Variants in ZNF444 observed in about 807,000 individuals in gnomAD.
ZNF444 encodes the protein zinc finger protein 444.
Under a neutral mutation model 14.4 loss-of-function variants are expected in ZNF444, and 8 were observed. That is an observed-to-expected ratio of 0.56 (90% confidence interval 0.33 to 1.00). ZNF444 has a LOEUF of 1.00. ZNF444 is among the 50% of genes least tolerant of loss of function. The pLI, the probability that ZNF444 is intolerant of heterozygous loss-of-function variation, is 0.03. For synonymous variants in ZNF444, 258 were observed against 235.9 expected, an observed-to-expected ratio of 1.09 and a Z score of -0.86; for missense variants, 510 against 504.8, an observed-to-expected ratio of 1.01 and a Z score of -0.10.
chr19:56,153,708 A>G (rs1429105068), intron 3 of ZNF444, among the ~76,000 whole-genome samples: 1 of 152,162 alleles, frequency 6.6e-6, no homozygotes, highest in Non-Finnish European at 1.5e-5. Flanking sequence ...GGAAGTGCAG[A>G]GAAAAGCCAG....
At chr19:56,142,061 C>T (rs1048156913) in intron 1 of ZNF444, among the ~76,000 whole-genome samples, 5 of 152,176 alleles carry the variant, frequency 3.3e-5, no homozygotes, top group African/African-American at 1.2e-4. Flanking sequence ...CCCCCGCCAC[C>T]TCTACCCCAG....
intron 1 of ZNF444, among the ~76,000 whole-genome samples, chr19:56,135,472 A>C (rs1336886616): frequency 6.6e-6 from 1 of 152,012 alleles, no homozygotes; most frequent in African/African-American, 2.4e-5. Context: ...TTCAGCTGCC[A>C]AACCATGCCA....
intron 3 of ZNF444, among the ~76,000 whole-genome samples, chr19:56,148,122 C>T (rs149921692): frequency 6.6e-6 from 1 of 152,366 alleles, no homozygotes; most frequent in African/African-American, 2.4e-5. Context: ...AAATTTACTT[C>T]ATGGACCCCA....
At chr19:56,140,446 G>A (rs1360846045), upstream of ZNF444, among the ~76,000 whole-genome samples, 1 of 152,116 alleles carries the variant, frequency 6.6e-6, no homozygotes, top group Non-Finnish European at 1.5e-5. Flanking sequence ...TGTCCAATAG[G>A]GGCACAGCGA....
At position 56,136,155 on chromosome 19, in the gene ZNF444, G is replaced by T. The variant is rs868850383; in HGVS notation, c.-197+3377G>T. Among the ~76,000 whole-genome samples, 10 of 142,374 alleles carry T rather than the reference G, an allele frequency of 7.0e-5. 1 individual carries two copies. In the Middle Eastern group the frequency reaches 0.015, roughly 208 times the overall value. 93.4% of individuals were successfully genotyped at this position (142,374 alleles called of 152,430 possible). ...GGGCCCTTGGGCCCTTATTAACCAC[G>T]CTCACCCCCAATCCCAACTCTCTGA... On this transcript the variant is annotated intron_variant, in intron 1 of 2. Transcript: ENST00000587467.
At chr19:56,133,446 C>T (rs1599978224) in intron 1 of ZNF444, among the ~76,000 whole-genome samples, 1 of 152,090 alleles carries the variant, frequency 6.6e-6, no homozygotes, top group African/African-American at 2.4e-5. Context: ...GCCTTAAAAC[C>T]CGGGTCTCTT....
In ZNF444 at chr19:56,160,822, C is replaced by G. The variant is rs1004317474; in HGVS notation, c.*621C>G. On this transcript the variant is annotated 3_prime_UTR_variant, in exon 5 of 5. Transcript: ENST00000337080. ...ATGGGATGGACAGAGATGCCTGCCC[C>G]CGTGAAGCTGGTTGGGGAGGGCAGT... 1 of 152,990 alleles carries G rather than the reference C, an allele frequency of 6.5e-6. No individual in the cohort carries two copies. The highest frequency in any genetic ancestry group is 2.1e-4 in the South Asian group (1 of 4,828). The allele number at this position is 152,990 out of a possible 1,614,324, so 9.5% of individuals were successfully genotyped here. A position where few individuals can be genotyped will look rare whatever the true frequency, so the allele number is the denominator to read the frequency against.
At chr19:56,149,472 C>T (rs1375922038) in intron 3 of ZNF444, among the ~76,000 whole-genome samples, 1 of 152,062 alleles carries the variant, frequency 6.6e-6, no homozygotes, top group African/African-American at 2.4e-5. Context: ...GTCCTGTGGT[C>T]ACTTATTTAT....
At chr19:56,150,421 G>A (rs1481040907) in intron 3 of ZNF444, 3 of 347,508 alleles carry the variant, frequency 8.6e-6, no homozygotes, top group East Asian at 1.5e-4. Context: ...GCTCCGAGGC[G>A]AACCTCTCAC....
In ZNF444 at chr19:56,159,614, CT is replaced by C; in HGVS notation, c.407-6del. On this transcript the variant is annotated splice_polypyrimidine_tract_variant and intron_variant, in intron 4 of 4. Coordinates refer to ENST00000337080, the MANE Select transcript of ZNF444 (RefSeq NM_018337.4). Reference sequence around the variant, plus strand: ...GCCGACCCAGATGCTGACTCTCTTTCTTTTCCCAGCAGGCACCGCCCCTGGG... The same window carrying C: ...GCCGACCCAGATGCTGACTCTCTTTCTTTCCCAGCAGGCACCGCCCCTGGG... 1 of 1,428,742 alleles carries C rather than the reference CT, an allele frequency of 7.0e-7. No homozygotes were observed. The allele number at this position is 1,428,742 out of a possible 1,614,324, so 88.5% of individuals were successfully genotyped here. A position where few individuals can be genotyped will look rare whatever the true frequency, so the allele number is the denominator to read the frequency against.
chr19:56,160,540 T>G lies in ZNF444; in HGVS notation c.*339T>G. ...TCCCTCTCCCTCCTCCATTCCTCTC[T>G]CCCTGCCCTTTTCCTGCCTGAAGAG... On this transcript the variant is annotated 3_prime_UTR_variant, in exon 5 of 5. Transcript: ENST00000337080. 1.9e-5 allele frequency: 5 copies of G among 266,472 alleles called. No individual in the cohort carries two copies. The highest frequency in any genetic ancestry group is 1.6e-4 in the East Asian group (2 of 12,630). 16.5% of individuals were successfully genotyped at this position (266,472 alleles called of 1,614,324 possible). A position where few individuals can be genotyped will look rare whatever the true frequency, so the allele number is the denominator to read the frequency against.
chr19:56,159,643 T>C lies in ZNF444; in HGVS notation c.426T>C (p.Ala142=), dbSNP rs1475512082. The change falls in exon 5 of 5, where the codon GCT becomes GCC. Residue 142 remains alanine (A), a synonymous_variant. Transcript: ENST00000337080. ...TCCCAGCAGGCACCGCCCCTGGGGC[T>C]GAGGGGCCGGCGCCTGGGGACTCCC... ...MIPLAGTAPG[A]EGPAPGDSQA... The C allele has an allele frequency of 6.9e-7, 1 of 1,453,186 alleles. No individual in the cohort carries two copies. Among genetic ancestry groups the C allele is most frequent in the Admixed American group, 2.7e-5 (1 of 36,840 alleles). 90.0% of individuals were successfully genotyped at this position (1,453,186 alleles called of 1,614,324 possible). A position where few individuals can be genotyped will look rare whatever the true frequency, so the allele number is the denominator to read the frequency against.
chr19:56,156,814 G>A (rs2123548830), intron 3 of ZNF444: 1 of 152,472 alleles, frequency 6.6e-6, no homozygotes, highest in East Asian at 1.9e-4. Flanking sequence ...CTGTGTGCCT[G>A]GCCCCACAAG....
chr19:56,158,456 C>T (rs750836010), intron 3 of ZNF444, 38 bp from the exon 4 acceptor site: 2 of 1,562,814 alleles, frequency 1.3e-6, no homozygotes, highest in Non-Finnish European at 1.7e-6. Context: ...GAGGCCCTTG[C>T]TCAGGTTTCT....
At chr19:56,158,701 C>A in intron 4 of ZNF444, 99 bp downstream of exon 4, 1 of 1,116,142 alleles carries the variant, frequency 9.0e-7, no homozygotes, top group Non-Finnish European at 1.2e-6. Flanking sequence ...CAAGGACAGA[C>A]TTGGACCCCA....
chr19:56,155,308 G>C (rs1442442957), intron 3 of ZNF444: 1 of 152,590 alleles, frequency 6.6e-6, no homozygotes, highest in Non-Finnish European at 1.5e-5. Context: ...ACCTGCAGGG[G>C]GTGCTGCTGG....
chr19:56,145,150 G>T lies in ZNF444; in HGVS notation c.-196-1097G>T, dbSNP rs1223209871. 6.6e-6 allele frequency among the ~76,000 whole-genome samples: 1 copy of T among 152,256 alleles called. No individual in the cohort carries two copies. Among genetic ancestry groups the T allele is most frequent in the East Asian group, 1.9e-4 (1 of 5,202 alleles). On this transcript the variant is annotated intron_variant, in intron 1 of 4. Coordinates refer to ENST00000337080, the MANE Select transcript of ZNF444 (RefSeq NM_018337.4). This position sits in a 1 kb window ranked among gnomAD's most constrained non-coding sequence, Gnocchi z 4.3. ...GCTCAGAGACCACCATTTCTCAAATGCTTTGAAGTCAGGACTCCTTTCTGC... is the reference window on the plus strand; with the variant it reads ...GCTCAGAGACCACCATTTCTCAAATTCTTTGAAGTCAGGACTCCTTTCTGC...
In ZNF444 at chr19:56,158,512, G is replaced by C; in HGVS notation, c.316G>C (p.Asp106His). ...ATTTCAGGGGCCAGCAGCCTCCCCC[G>C]ATGGGTCGTCAGCAACGAGGGTGCC... ...EELWGPAASP[D>H]GSSATRVPQD... Residue 106 changes from aspartate to histidine, a missense_variant, in exon 4 of 5, where the codon GAT (aspartate) becomes CAT (histidine). By Grantham distance (81) the Asp-to-His change is moderately conservative (BLOSUM62 -1). Coordinates refer to ENST00000337080, the MANE Select transcript of ZNF444 (RefSeq NM_018337.4). 1 of 1,610,416 alleles carries C rather than the reference G, an allele frequency of 6.2e-7. No individual in the cohort carries two copies. Among genetic ancestry groups the C allele is most frequent in the Middle Eastern group, 1.7e-4 (1 of 6,042 alleles).
chr19:56,160,041 C>T lies in ZNF444; in HGVS notation c.824C>T (p.Ala275Val), dbSNP rs867834411. The T allele has an allele frequency of 5.3e-6, 8 of 1,507,144 alleles. No homozygotes were observed. Among genetic ancestry groups the T allele is most frequent in the East Asian group, 5.3e-5 (2 of 38,008 alleles). The allele number at this position is 1,507,144 out of a possible 1,614,324, so 93.4% of individuals were successfully genotyped here. A position where few individuals can be genotyped will look rare whatever the true frequency, so the allele number is the denominator to read the frequency against. The part of the protein sequence containing the change: ...LVRHRKTHSG[A>V]RPFACWECGK... ...CGCCACCGCAAGACGCACTCGGGAG[C>T]GCGGCCCTTTGCCTGCTGGGAGTGT... Residue 275 changes from alanine (A) to valine (V), a missense_variant, in exon 5 of 5, where the codon GCG becomes GTG. By Grantham distance (64) the Ala-to-Val change is moderately conservative (BLOSUM62 0). Transcript: ENST00000337080.
Sources: allele counts gnomAD v4.1 joint callset (sites outside exome capture counted in the v4.1 genomes callset), GRCh38; gene constraint gnomAD v4.1.1; non-coding constraint Gnocchi (gnomAD v3.1); transcripts MANE v1.5; gene names NCBI Gene and HGNC (gene_info 2026-07-23, HGNC 2026-07-21).